PPM1H: variants seen among roughly 807,000 people sequenced by gnomAD.
The protein encoded by PPM1H is protein phosphatase, Mg2+/Mn2+ dependent 1H, also known as protein phosphatase 1H.
In PPM1H, 27 loss-of-function variants were observed where a neutral mutation model predicts 54.9. The observed-to-expected ratio is 0.49, with a 90% CI of 0.36 to 0.68. The LOEUF (loss-of-function observed/expected upper bound fraction) is 0.68. Ranked by LOEUF, PPM1H falls within the 30% of genes least tolerant of loss-of-function variation. PPM1H has a pLI of 0.00. For synonymous variants in PPM1H, 305 were observed against 270.8 expected (o/e 1.13, Z -1.24); for missense variants, 596 against 667.8 (o/e 0.89, Z 1.19).
intron 1 of PPM1H, among the ~76,000 whole-genome samples, chr12:62,925,600 A>G (rs1871948947): frequency 6.6e-6 from 1 of 152,198 alleles, no homozygotes; most frequent in Non-Finnish European, 1.5e-5. Context: ...ATGAACAAAC[A>G]ACAATGAGCA....
intron 9 of PPM1H, among the ~76,000 whole-genome samples, chr12:62,654,471 C>T (rs2075833563): frequency 6.6e-6 from 1 of 152,202 alleles, no homozygotes; most frequent in Non-Finnish European, 1.5e-5. Flanking sequence ...CAGCCCACCC[C>T]AAGGGAAGAA....
At chr12:62,930,314 T>G (rs1405484746) in intron 1 of PPM1H, among the ~76,000 whole-genome samples, 1 of 152,210 alleles carries the variant, frequency 6.6e-6, no homozygotes, top group East Asian at 1.9e-4. Flanking sequence ...TTTCTACTTA[T>G]GTCCAGGGGT....
chr12:62,710,004 A>G (rs1393233520), intron 6 of PPM1H, among the ~76,000 whole-genome samples: 2 of 151,628 alleles, frequency 1.3e-5, no homozygotes, highest in African/African-American at 4.8e-5. Flanking sequence ...CAGGAAGCGG[A>G]GGTTGCAGTG....
At chr12:62,812,796 G>A (rs1469416472) in intron 2 of PPM1H, among the ~76,000 whole-genome samples, 3 of 144,600 alleles carry the variant, frequency 2.1e-5, no homozygotes, top group East Asian at 4.0e-4. Flanking sequence ...AACTTAATGA[G>A]TTCTAACTGG....
chr12:62,652,780 C>T (rs2075823342), intron 9 of PPM1H, among the ~76,000 whole-genome samples: 1 of 151,386 alleles, frequency 6.6e-6, no homozygotes, highest in Admixed American at 6.6e-5. Flanking sequence ...TTTGAGCCTG[C>T]CTTAATCATT....
At chr12:62,922,821 G>A (rs1052529512) in intron 1 of PPM1H, among the ~76,000 whole-genome samples, 1 of 152,150 alleles carries the variant, frequency 6.6e-6, no homozygotes, top group African/African-American at 2.4e-5. Context: ...GATTCATCAT[G>A]AGCACTTTTC....
At position 62,870,529 on chromosome 12, in the gene PPM1H, T is replaced by C. The variant is rs372873178; in HGVS notation, c.246-38250A>G. ...GGGTGGAAATGGAGAAAAGAATGGATTTGAAAGATACTAAAGAGAAAGAAT... is the reference window on the plus strand; with the variant it reads ...GGGTGGAAATGGAGAAAAGAATGGACTTGAAAGATACTAAAGAGAAAGAAT... On this transcript the variant is annotated intron_variant, in intron 1 of 9. Transcript: ENST00000228705. 3.9e-5 allele frequency among the ~76,000 whole-genome samples: 6 copies of C among 152,184 alleles called. No individual in the cohort carries two copies. The East Asian group carries it at 7.7e-4, about 20-fold the overall frequency.
At chr12:62,870,732 C>T (rs1050962144) in intron 1 of PPM1H, among the ~76,000 whole-genome samples, 3 of 152,148 alleles carry the variant, frequency 2.0e-5, no homozygotes, top group Non-Finnish European at 4.4e-5. Context: ...ATATTAGACT[C>T]TTATAGAACA....
chr12:62,766,663 GAT>G (rs2076545749), intron 4 of PPM1H, among the ~76,000 whole-genome samples: 1 of 152,210 alleles, frequency 6.6e-6, no homozygotes, highest in African/African-American at 2.4e-5. Context: ...GAGGCTGTGT[GAT>G]AGAATGAGCA....
At chr12:62,790,395 G>A (rs1018028755) in intron 3 of PPM1H, among the ~76,000 whole-genome samples, 7 of 152,148 alleles carry the variant, frequency 4.6e-5, no homozygotes, top group Middle Eastern at 3.2e-3. Context: ...GGGCAACATA[G>A]TGATACCCCC....
intron 1 of PPM1H, chr12:62,840,051 C>CAGAGAGACAGAG (rs1868674969): frequency 7.7e-6 from 1 of 130,400 alleles, no homozygotes; most frequent in Non-Finnish European, 1.7e-5. Context: ...TCTAGAGAGA[C>CAGAGAGACAGAG]AGAGAGAGAG....
rs3052402 is a variant in PPM1H, at chr12:62,748,529, A to AACACACACACAC, written c.870-10955_870-10944dup. 8.5e-3 allele frequency among the ~76,000 whole-genome samples: 1,259 copies of AACACACACACAC among 147,356 alleles called. 16 individuals carry two copies. Among genetic ancestry groups the AACACACACACAC allele is most frequent in the African/African-American group, 0.03 (1,184 of 39,820 alleles). Reference sequence around the variant, plus strand: ...TGTAGTTAAATGTGTTTCAGTGTAGAACACACACACACACACACACACACA... The same window carrying AACACACACACAC: ...TGTAGTTAAATGTGTTTCAGTGTAGAACACACACACACACACACACACACACACACACACACA... On this transcript the variant is annotated intron_variant, in intron 4 of 9. Transcript: ENST00000228705.
intron 1 of PPM1H, among the ~76,000 whole-genome samples, chr12:62,911,467 T>C (rs1048122963): frequency 1.3e-5 from 2 of 152,234 alleles, no homozygotes; most frequent in Non-Finnish European, 2.9e-5. Context: ...CTGACCTTAA[T>C]TACCTAAATG....
At chr12:62,859,738 C>T (rs1869529106) in intron 1 of PPM1H, among the ~76,000 whole-genome samples, 1 of 147,208 alleles carries the variant, frequency 6.8e-6, no homozygotes. Context: ...CCAGTGCTTG[C>T]CACCAGGCCC....
intron 8 of PPM1H, among the ~76,000 whole-genome samples, chr12:62,670,223 C>T (rs911772356): frequency 2.0e-5 from 3 of 152,030 alleles, no homozygotes; most frequent in Non-Finnish European, 4.4e-5. Flanking sequence ...GTGATCCACC[C>T]ACCTCGGCCT....
intron 3 of PPM1H, among the ~76,000 whole-genome samples, chr12:62,797,388 T>C (rs1398482950): frequency 2.6e-5 from 4 of 152,152 alleles, no homozygotes; most frequent in Non-Finnish European, 5.9e-5. Context: ...ATATGACAAC[T>C]CTTACTTAAT....
At chr12:62,735,143 G>A (rs2076343856) in intron 5 of PPM1H, among the ~76,000 whole-genome samples, 1 of 152,118 alleles carries the variant, frequency 6.6e-6, no homozygotes, top group African/African-American at 2.4e-5. Context: ...TTGGGCGGAG[G>A]GCAGAAGAGA....
intron 1 of PPM1H, among the ~76,000 whole-genome samples, chr12:62,841,633 A>T (rs762263938): frequency 9.9e-5 from 15 of 152,208 alleles, no homozygotes; most frequent in Non-Finnish European, 2.1e-4. Flanking sequence ...GATTTCACAT[A>T]GTTACACGTA....
In PPM1H at chr12:62,934,654, C is replaced by T. The variant is rs753080129; in HGVS notation, c.83G>A (p.Gly28Asp). The change falls in exon 1 of 10, where the codon GGC (glycine) becomes GAC (aspartate). Residue 28 changes from glycine (G) to aspartate (D), a missense_variant. Transcript: ENST00000228705. This position sits in a 1 kb window ranked among gnomAD's most constrained non-coding sequence, Gnocchi z 4.2. ...AGSSGSEHGGGSCGGSDLPLR... is the reference protein window; with the variant it reads ...AGSSGSEHGGDSCGGSDLPLR... ...GGGCAGGTCCGAGCCTCCGCAGCTG[C>T]CGCCGCCGTGCTCGGAGCCTGAGCT... is the stretch of plus-strand genomic sequence containing the variant. 2.5e-6 allele frequency: 4 copies of T among 1,597,248 alleles called. No individual in the cohort carries two copies. The highest frequency in any genetic ancestry group is 3.4e-6 in the Non-Finnish European group (4 of 1,173,478).
Sources: allele counts gnomAD v4.1 joint callset (sites outside exome capture counted in the v4.1 genomes callset), GRCh38; gene constraint gnomAD v4.1.1; non-coding constraint Gnocchi (gnomAD v3.1); transcripts MANE v1.5; gene names NCBI Gene and HGNC (gene_info 2026-07-23, HGNC 2026-07-21).